MARCHF10: variants seen among roughly 807,000 people sequenced by gnomAD.
MARCHF10 encodes the protein probable E3 ubiquitin-protein ligase MARCHF10.
MARCHF10 carries 64 observed loss-of-function variants against 76.2 expected under a neutral mutation model. That is an observed-to-expected ratio of 0.84 (90% CI 0.69 to 1.03). The LOEUF (loss-of-function observed/expected upper bound fraction) is 1.03. MARCHF10 is among the 50% of genes least tolerant of loss of function. The pLI, the probability that MARCHF10 is intolerant of heterozygous loss-of-function variation, is 0.00. For synonymous variants in MARCHF10, 340 were observed against 357.5 expected (o/e 0.95, Z 0.55); for missense variants, 875 against 958.0 (o/e 0.91, Z 1.14).
intron 9 of MARCHF10, among the ~76,000 whole-genome samples, chr17:62,707,027 G>A (rs904084010): frequency 1.3e-5 from 2 of 152,322 alleles, no homozygotes; most frequent in African/African-American, 4.8e-5. Context: ...CGAGCATCCA[G>A]TGCTTCCGCC....
intron 3 of MARCHF10, among the ~76,000 whole-genome samples, chr17:62,770,361 C>A (rs2092419944): frequency 6.6e-6 from 1 of 152,120 alleles, no homozygotes; most frequent in East Asian, 1.9e-4. Flanking sequence ...GTATAATGAT[C>A]TATTTTCCTC....
intron 3 of MARCHF10, 148 bp from the exon 4 acceptor site, chr17:62,760,154 A>G (rs1486771007): frequency 1.6e-6 from 1 of 639,120 alleles, no homozygotes; most frequent in Non-Finnish European, 2.7e-6. Flanking sequence ...TTCACCAGAG[A>G]GATTCAGATG....
intron 8 of MARCHF10, among the ~76,000 whole-genome samples, chr17:62,721,857 T>C (rs1036116672): frequency 6.6e-6 from 1 of 152,218 alleles, no homozygotes; most frequent in African/African-American, 2.4e-5. Context: ...TCTCTTGTTA[T>C]TAAATTACTT....
chr17:62,741,517 G>T (rs1023056118), intron 5 of MARCHF10, among the ~76,000 whole-genome samples: 1 of 152,124 alleles, frequency 6.6e-6, no homozygotes, highest in African/African-American at 2.4e-5. Context: ...AGGAATGTTC[G>T]TTGTTAGTTT....
At chr17:62,780,309 G>A (rs1313685332) in intron 3 of MARCHF10, among the ~76,000 whole-genome samples, 2 of 152,156 alleles carry the variant, frequency 1.3e-5, no homozygotes, top group African/African-American at 4.8e-5. Context: ...ATGCATGGCT[G>A]GACATTCTGA....
In MARCHF10 at chr17:62,788,464, C is replaced by T. The variant is rs200295034; in HGVS notation, c.210+16G>A. On this transcript the variant is annotated intron_variant, in intron 3 of 10. Coordinates refer to ENST00000311269, the MANE Select transcript of MARCHF10 (RefSeq NM_152598.4). Reference sequence around the variant, plus strand: ...AGCAGCAGCCCCAGGAGACTGTCTCCCAGAATTCTTCATACCTGTTTGGAA... The same window carrying T: ...AGCAGCAGCCCCAGGAGACTGTCTCTCAGAATTCTTCATACCTGTTTGGAA... The T allele has an allele frequency of 2.0e-5, 33 of 1,613,810 alleles. No homozygotes were observed. In the African/African-American group the frequency reaches 4.1e-4, roughly 20 times the overall value.
chr17:62,724,972 G>T lies in MARCHF10; in HGVS notation c.2070C>A (p.Cys690Ter). The change falls in exon 7 of 11, where the codon TGC (cysteine) becomes TGA (stop). Residue 690 changes from cysteine to a stop codon, truncating the protein, a stop_gained. Coordinates refer to ENST00000311269, the MANE Select transcript of MARCHF10 (RefSeq NM_152598.4). LOFTEE classifies it high-confidence loss of function. The part of the protein sequence containing the change: ...VGSLQFVHQE[C>*]LKKWLKVKIT... ...TTTTCACTTTCAGCCACTTTTTCAG[G>T]CACTCTTGATGAACAAACTGCAGGC... 6.2e-7 allele frequency: 1 copy of T among 1,611,578 alleles called. No individual in the cohort carries two copies. Among genetic ancestry groups the T allele is most frequent in the Non-Finnish European group, 8.5e-7 (1 of 1,179,064 alleles).
At chr17:62,735,721 G>T (rs997352581) in intron 6 of MARCHF10, 2 of 558,740 alleles carry the variant, frequency 3.6e-6, no homozygotes, top group South Asian at 2.5e-5. Context: ...AAATAGAGAA[G>T]AAACTGATCA....
intron 2 of MARCHF10, chr17:62,794,987 T>G (rs2092959480): frequency 1.0e-6 from 1 of 984,752 alleles, no homozygotes; most frequent in African/African-American, 1.7e-5. Flanking sequence ...TTTTTTTTCC[T>G]GTTTTGGCTG....
chr17:62,792,142 G>A (rs2148139738), intron 2 of MARCHF10, among the ~76,000 whole-genome samples: 1 of 151,820 alleles, frequency 6.6e-6, no homozygotes, highest in East Asian at 1.9e-4. Flanking sequence ...CCCCCCTAGT[G>A]CGTCCCCCTG....
chr17:62,732,650 G>A (rs556247057), intron 6 of MARCHF10, among the ~76,000 whole-genome samples: 1 of 152,236 alleles, frequency 6.6e-6, no homozygotes, highest in South Asian at 2.1e-4. Flanking sequence ...AACGATATCA[G>A]GTTAAGAGAA....
intron 3 of MARCHF10, among the ~76,000 whole-genome samples, chr17:62,787,129 C>T (rs189576299): frequency 3.9e-5 from 6 of 152,266 alleles, no homozygotes; most frequent in Non-Finnish European, 5.9e-5. Flanking sequence ...ATCCAGGCAA[C>T]GTGTTCTTGG....
chr17:62,772,927 A>G (rs1201132185), intron 3 of MARCHF10, among the ~76,000 whole-genome samples: 3 of 152,338 alleles, frequency 2.0e-5, no homozygotes, highest in East Asian at 3.9e-4. Flanking sequence ...AGAAGCATGT[A>G]TATTACTCAA....
chr17:62,793,221 C>A, intron 2 of MARCHF10, among the ~76,000 whole-genome samples: 1 of 136,734 alleles, frequency 7.3e-6, no homozygotes, highest in Non-Finnish European at 1.6e-5. Context: ...CCACCACCTC[C>A]ACTGCCACCA....
chr17:62,792,397 T>G (rs556082064), intron 2 of MARCHF10, among the ~76,000 whole-genome samples: 31 of 152,148 alleles, frequency 2.0e-4, no homozygotes, highest in African/African-American at 7.5e-4. Context: ...TGTTGATATG[T>G]TAACATCAAC....
At chr17:62,777,728 G>GAAAA (rs60003248) in intron 3 of MARCHF10, among the ~76,000 whole-genome samples, 3 of 127,374 alleles carry the variant, frequency 2.4e-5, no homozygotes, top group Non-Finnish European at 1.6e-5. Flanking sequence ...AAAAAAAAAA[G>GAAAA]AAAAAAAAAA....
intron 9 of MARCHF10, among the ~76,000 whole-genome samples, chr17:62,708,208 A>G (rs1269975890): frequency 1.3e-5 from 2 of 151,554 alleles, no homozygotes; most frequent in East Asian, 3.9e-4. Context: ...TCTCCAAAAC[A>G]TAACTCAGGA....
intron 10 of MARCHF10, chr17:62,705,201 A>G (rs951686203): frequency 8.0e-6 from 10 of 1,243,544 alleles, no homozygotes; most frequent in Non-Finnish European, 9.1e-6. Context: ...GCAGTAAAAA[A>G]ACCAACCCCC....
chr17:62,760,009 A>C lies in MARCHF10; in HGVS notation c.211-3T>G, dbSNP rs1303440770. On this transcript the variant is annotated splice_polypyrimidine_tract_variant and splice_region_variant and intron_variant, in intron 3 of 10. Transcript: ENST00000311269. The stretch of plus-strand genomic sequence containing the variant: ...AGAGCATCCTCCTCACTAGAACTCT[A>C]CCAAAAATGAAATACGTCTGAGTCT... 2 of 1,611,400 alleles carry C rather than the reference A, an allele frequency of 1.2e-6. No individual in the cohort carries two copies. The highest frequency in any genetic ancestry group is 1.7e-6 in the Non-Finnish European group (2 of 1,178,680).
Sources: allele counts gnomAD v4.1 joint callset (sites outside exome capture counted in the v4.1 genomes callset), GRCh38; gene constraint gnomAD v4.1.1; transcripts MANE v1.5; gene names NCBI Gene and HGNC (gene_info 2026-07-23, HGNC 2026-07-21).